The following CREB5 variants were observed in gnomAD, a reference collection of about 807,000 sequenced individuals.
CREB5 encodes cyclic AMP-responsive element-binding protein 5.
In CREB5, 19 loss-of-function variants were observed where a neutral mutation model predicts 57.1. That is an observed-to-expected ratio of 0.33 (90% confidence interval 0.23 to 0.49). CREB5 has a LOEUF of 0.49. CREB5 is among the 20% of genes least tolerant of loss of function. The pLI is 0.99. For synonymous variants in CREB5, 238 were observed against 238.3 expected, an observed-to-expected ratio of 1.00 and a Z score of 0.01; for missense variants, 579 against 671.6, an observed-to-expected ratio of 0.86 and a Z score of 1.52.
intron 7 of CREB5, among the ~76,000 whole-genome samples, chr7:28,791,160 C>T (rs1477757316): frequency 2.0e-5 from 3 of 152,014 alleles, no homozygotes; most frequent in Non-Finnish European, 4.4e-5. Flanking sequence ...GGACAATTCT[C>T]CAAAAAAAGG....
chr7:28,756,520 C>CA (rs1274604942), intron 7 of CREB5, among the ~76,000 whole-genome samples: 1 of 150,894 alleles, frequency 6.6e-6, no homozygotes, highest in Non-Finnish European at 1.5e-5. Context: ...CACACCACTG[C>CA]ACTCTAGCCT....
intron 5 of CREB5, among the ~76,000 whole-genome samples, chr7:28,601,435 G>T (rs914096761): frequency 2.6e-5 from 4 of 152,124 alleles, no homozygotes; most frequent in African/African-American, 9.7e-5. Context: ...AGCCCCTCAG[G>T]TTTGAATCCC....
chr7:28,683,113 C>G (rs1394884035), intron 5 of CREB5, among the ~76,000 whole-genome samples: 1 of 152,168 alleles, frequency 6.6e-6, no homozygotes, highest in Non-Finnish European at 1.5e-5. Flanking sequence ...AGAAGCCTCC[C>G]TCTGGAATTA....
intron 5 of CREB5, among the ~76,000 whole-genome samples, chr7:28,670,126 A>G (rs1290814701): frequency 6.6e-6 from 1 of 152,214 alleles, no homozygotes; most frequent in Non-Finnish European, 1.5e-5. Flanking sequence ...GGATGCCTGA[A>G]CCTGTGATCA....
chr7:28,488,207 G>A lies in CREB5; in HGVS notation c.36G>A (p.Gln12=). 6.2e-7 allele frequency: 1 copy of A among 1,613,974 alleles called. No homozygotes were observed. Among genetic ancestry groups the A allele is most frequent in the Non-Finnish European group, 8.5e-7 (1 of 1,179,910 alleles). Reference sequence around the variant, plus strand: ...AGGAATCCAAGATGAATTTGGAGCAGGAGAGGCCGTTTGTCTGCAGTGCCC... The same window carrying A: ...AGGAATCCAAGATGAATTTGGAGCAAGAGAGGCCGTTTGTCTGCAGTGCCC... The part of the protein sequence containing the change: ...IYEESKMNLE[Q]ERPFVCSAPG... Residue 12 remains glutamine, a synonymous_variant, in exon 2 of 11, where the codon CAG becomes CAA. Transcript: ENST00000357727.
intron 4 of CREB5, among the ~76,000 whole-genome samples, chr7:28,554,950 A>G (rs370905778): frequency 6.6e-6 from 1 of 152,180 alleles, no homozygotes; most frequent in Non-Finnish European, 1.5e-5. Flanking sequence ...AATAGATATA[A>G]TTGGATCATG....
At chr7:28,355,069 A>T (rs983690108) in intron 1 of CREB5, among the ~76,000 whole-genome samples, 5 of 152,220 alleles carry the variant, frequency 3.3e-5, no homozygotes, top group Admixed American at 2.0e-4. Flanking sequence ...AGCAGAAAAC[A>T]TCCCTAGGAA....
chr7:28,655,388 C>T (rs1331749370), intron 5 of CREB5, among the ~76,000 whole-genome samples: 1 of 152,166 alleles, frequency 6.6e-6, no homozygotes, highest in East Asian at 1.9e-4. Context: ...GGGAGGATTG[C>T]TTGAATCCAG....
chr7:28,773,131 AT>A, intron 7 of CREB5, among the ~76,000 whole-genome samples: 1 of 152,288 alleles, frequency 6.6e-6, no homozygotes, highest in East Asian at 1.9e-4. Flanking sequence ...GTTTTTTAAA[AT>A]TAATACTTTC....
chr7:28,702,930 G>A (rs1010848209), intron 5 of CREB5, among the ~76,000 whole-genome samples: 2 of 152,296 alleles, frequency 1.3e-5, no homozygotes, highest in African/African-American at 2.4e-5. Context: ...AAGGCCCTGG[G>A]GTGGGAAAGA....
chr7:28,655,783 T>C (rs553702652), intron 5 of CREB5, among the ~76,000 whole-genome samples: 1 of 152,238 alleles, frequency 6.6e-6, no homozygotes, highest in Non-Finnish European at 1.5e-5. Flanking sequence ...GTTTTCATAA[T>C]GGTACCATCT....
chr7:28,535,938 A>C (rs1248196951), intron 4 of CREB5, among the ~76,000 whole-genome samples: 1 of 152,230 alleles, frequency 6.6e-6, no homozygotes, highest in Non-Finnish European at 1.5e-5. Flanking sequence ...TGAAAAAAAG[A>C]GAAAACTGTG....
At chr7:28,455,779 G>T (rs1192145152) in intron 1 of CREB5, among the ~76,000 whole-genome samples, 3 of 152,118 alleles carry the variant, frequency 2.0e-5, no homozygotes, top group African/African-American at 7.2e-5. Context: ...ATGAGAGAGG[G>T]GAGAAAGCAG....
intron 4 of CREB5, among the ~76,000 whole-genome samples, chr7:28,509,545 T>G (rs922637800): frequency 1.3e-5 from 2 of 152,274 alleles, no homozygotes; most frequent in Non-Finnish European, 2.9e-5. Flanking sequence ...GAGCATATTT[T>G]ACTTCCTCCC....
intron 7 of CREB5, among the ~76,000 whole-genome samples, chr7:28,745,592 C>T (rs1006525521): frequency 1.3e-5 from 2 of 152,318 alleles, no homozygotes; most frequent in East Asian, 1.9e-4. Flanking sequence ...GCAGATGCAC[C>T]TCATCTCTGC....
intron 7 of CREB5, among the ~76,000 whole-genome samples, chr7:28,769,116 A>G (rs1583702427): frequency 6.6e-6 from 1 of 152,256 alleles, no homozygotes; most frequent in South Asian, 2.1e-4. Flanking sequence ...TTGGGAAGAT[A>G]GTAAAAGAAC....
intron 5 of CREB5, among the ~76,000 whole-genome samples, chr7:28,668,848 T>C (rs10268364): frequency 0.32 from 48,759 of 151,994 alleles, 8,414 homozygotes; most frequent in African/African-American, 0.43. Context: ...GTCAAATTCA[T>C]CACAATGCTC....
intron 1 of CREB5, among the ~76,000 whole-genome samples, chr7:28,469,003 A>G (rs138129903): frequency 6.6e-6 from 1 of 151,976 alleles, no homozygotes; most frequent in East Asian, 1.9e-4. Context: ...TTCATTTAGG[A>G]CTCCTCAACA....
chr7:28,686,721 C>T (rs975866177), intron 5 of CREB5, among the ~76,000 whole-genome samples: 1 of 152,136 alleles, frequency 6.6e-6, no homozygotes, highest in Non-Finnish European at 1.5e-5. Context: ...AAGCATTTAC[C>T]TGCTCTCAAG....
Sources: allele counts gnomAD v4.1 joint callset (sites outside exome capture counted in the v4.1 genomes callset), GRCh38; gene constraint gnomAD v4.1.1; transcripts MANE v1.5; gene names NCBI Gene and HGNC (gene_info 2026-07-23, HGNC 2026-07-21).